The following VSNL1 variants were observed in gnomAD, a reference collection of about 807,000 sequenced individuals.
The protein encoded by VSNL1 is visinin-like protein 1.
In VSNL1, 6 loss-of-function variants were observed where a neutral mutation model predicts 20.4. The ratio of observed to expected loss-of-function variants is 0.29; its 90% CI spans 0.16 to 0.58. The LOEUF (loss-of-function observed/expected upper bound fraction) is 0.58. VSNL1 is among the 20% of genes least tolerant of loss of function. The pLI is 0.90. For synonymous variants in VSNL1, 93 were observed against 86.4 expected, an observed-to-expected ratio of 1.08 and a Z score of -0.42; for missense variants, 100 against 234.5, an observed-to-expected ratio of 0.43 and a Z score of 3.75.
At chr2:17,561,890 A>T (rs890506046) in intron 1 of VSNL1, among the ~76,000 whole-genome samples, 2 of 152,202 alleles carry the variant, frequency 1.3e-5, no homozygotes, top group Non-Finnish European at 2.9e-5. Context: ...GTGACTCTTA[A>T]CAATAGCCAA....
At chr2:17,581,681 G>A (rs930821490) in intron 1 of VSNL1, among the ~76,000 whole-genome samples, 17 of 152,140 alleles carry the variant, frequency 1.1e-4, no homozygotes, top group African/African-American at 2.7e-4. Context: ...AGAAAGAAGC[G>A]TGTTCTCTCT....
At chr2:17,572,701 A>C (rs1664111764) in intron 1 of VSNL1, among the ~76,000 whole-genome samples, 1 of 152,168 alleles carries the variant, frequency 6.6e-6, no homozygotes, top group South Asian at 2.1e-4. Flanking sequence ...ACTCTGTCTC[A>C]CCCTTTCCCT....
intron 2 of VSNL1, among the ~76,000 whole-genome samples, chr2:17,611,103 A>G (rs2103393277): frequency 6.6e-6 from 1 of 152,364 alleles, no homozygotes; most frequent in East Asian, 1.9e-4. Flanking sequence ...CAATAATTAC[A>G]GCAAATGCTT....
intron 2 of VSNL1, among the ~76,000 whole-genome samples, chr2:17,637,613 C>G (rs2555095): frequency 6.6e-6 from 1 of 152,154 alleles, no homozygotes; most frequent in Non-Finnish European, 1.5e-5. Context: ...ATCCCAAGTG[C>G]CTGGAGGCTA....
intron 1 of VSNL1, among the ~76,000 whole-genome samples, chr2:17,575,432 A>C (rs1243947104): frequency 6.6e-6 from 1 of 152,258 alleles, no homozygotes; most frequent in Non-Finnish European, 1.5e-5. Flanking sequence ...TTCTAAGTGT[A>C]GTTCGACCTT....
intron 2 of VSNL1, among the ~76,000 whole-genome samples, chr2:17,595,393 A>G (rs1297861737): frequency 6.6e-6 from 1 of 152,234 alleles, no homozygotes; most frequent in Admixed American, 6.5e-5. Context: ...GTAATGTGTA[A>G]TGACAGAAAT....
intron 2 of VSNL1, among the ~76,000 whole-genome samples, chr2:17,601,430 G>C (rs956621388): frequency 1.3e-5 from 2 of 152,016 alleles, no homozygotes; most frequent in Non-Finnish European, 2.9e-5. Flanking sequence ...GAAGTCAGGA[G>C]TTTGAGACCA....
intron 2 of VSNL1, among the ~76,000 whole-genome samples, chr2:17,641,123 C>T (rs1406411799): frequency 6.6e-6 from 1 of 152,142 alleles, no homozygotes. Flanking sequence ...TCATTGTCAC[C>T]ATGACGCTGT....
chr2:17,622,455 G>C (rs572090586), intron 2 of VSNL1, among the ~76,000 whole-genome samples: 1 of 145,992 alleles, frequency 6.8e-6, no homozygotes, highest in Non-Finnish European at 1.5e-5. Flanking sequence ...CCAAGATCGC[G>C]CCACTACACT....
chr2:17,572,744 G>A (rs1664112289), intron 1 of VSNL1, among the ~76,000 whole-genome samples: 1 of 152,094 alleles, frequency 6.6e-6, no homozygotes, highest in South Asian at 2.1e-4. Context: ...GCTTTCCAGT[G>A]GTATTCTCTT....
chr2:17,637,211 C>T (rs904983529), intron 2 of VSNL1, among the ~76,000 whole-genome samples: 1 of 152,192 alleles, frequency 6.6e-6, no homozygotes, highest in Non-Finnish European at 1.5e-5. Flanking sequence ...CCCGGAGAGC[C>T]TGTCTGAAGG....
chr2:17,578,822 C>CCT (rs1328311563), intron 1 of VSNL1, among the ~76,000 whole-genome samples: 1 of 152,230 alleles, frequency 6.6e-6, no homozygotes. Flanking sequence ...ACAGCATAAG[C>CCT]CTAAATCAGA....
chr2:17,575,291 A>C (rs1664181016), intron 1 of VSNL1, among the ~76,000 whole-genome samples: 1 of 152,228 alleles, frequency 6.6e-6, no homozygotes, highest in Non-Finnish European at 1.5e-5. Context: ...TAAGAATAAA[A>C]GGGCATCCAT....
intron 1 of VSNL1, among the ~76,000 whole-genome samples, chr2:17,552,043 C>CA (rs34823640): frequency 0.51 from 76,991 of 150,648 alleles, 22,491 homozygotes; most frequent in East Asian, 0.89. Context: ...CTAAAAAATA[C>CA]AAAAAAATTA....
chr2:17,545,300 A>AG (rs1207510912), intron 1 of VSNL1, among the ~76,000 whole-genome samples: 18 of 152,216 alleles, frequency 1.2e-4, no homozygotes, highest in African/African-American at 4.3e-4. Context: ...AATGACAGAG[A>AG]GAGACCCTAT....
At chr2:17,576,987 TAG>T (rs1396294261) in intron 1 of VSNL1, among the ~76,000 whole-genome samples, 1 of 152,246 alleles carries the variant, frequency 6.6e-6, no homozygotes, top group Admixed American at 6.5e-5. Flanking sequence ...GCAAACATCA[TAG>T]AGAGTCCTTA....
At chr2:17,619,202 T>G (rs1485903444) in intron 2 of VSNL1, among the ~76,000 whole-genome samples, 1 of 152,210 alleles carries the variant, frequency 6.6e-6, no homozygotes, top group East Asian at 1.9e-4. Flanking sequence ...ATACAGCTAA[T>G]AAGTAACACA....
At position 17,656,464 on chromosome 2, in the gene VSNL1, A is replaced by C. The variant is rs1385669663; in HGVS notation, c.*1070A>C. The C allele has an allele frequency of 1.3e-5, 2 of 152,272 alleles. No individual in the cohort carries two copies. Among genetic ancestry groups the C allele is most frequent in the Non-Finnish European group, 2.9e-5 (2 of 68,048 alleles). The allele number at this position is 152,272 out of a possible 1,614,324, so 9.4% of individuals were successfully genotyped here. On this transcript the variant is annotated 3_prime_UTR_variant, in exon 4 of 4. Transcript: ENST00000295156. The stretch of plus-strand genomic sequence containing the variant: ...ACTTTGGTGCTAACAACGTATGTTC[A>C]GTGCAACTACGTGGAGCTGTGCACA...
intron 1 of VSNL1, among the ~76,000 whole-genome samples, chr2:17,546,372 G>T (rs150799811): frequency 1.2e-3 from 179 of 151,750 alleles, no homozygotes; most frequent in African/African-American, 3.4e-3. Context: ...GGCTCTGAAA[G>T]ACTATGAACT....
Sources: gnomAD v4.1 joint callset for allele counts (sites outside exome capture counted in the v4.1 genomes callset) on GRCh38, gnomAD v4.1.1 for gene constraint, MANE v1.5 for transcripts, NCBI Gene and HGNC (gene_info 2026-07-23, HGNC 2026-07-21) for gene names.